The following SENP7 variants were observed in gnomAD, a reference collection of about 807,000 sequenced individuals.
SENP7 encodes the protein SUMO specific peptidase 7, also known as sentrin-specific protease 7.
A neutral mutation model predicts 141.2 loss-of-function variants in SENP7; 64 were observed. The ratio of observed to expected loss-of-function variants is 0.45; its 90% confidence interval spans 0.37 to 0.56. The LOEUF (loss-of-function observed/expected upper bound fraction) is 0.56, where lower values mean the gene tolerates loss of function less well. Among genes scored for constraint, SENP7 ranks in the 20% least tolerant of loss-of-function variants. The pLI is 0.00. For missense variants in SENP7, 1,025 were observed against 1,212.2 expected (o/e 0.85, Z 2.29); for synonymous variants, 382 against 426.4 (o/e 0.90, Z 1.28).
chr3:101,325,479 A>T lies in SENP7; in HGVS notation c.*464T>A, dbSNP rs1196446528. On this transcript the variant is annotated 3_prime_UTR_variant, in exon 24 of 24. Transcript: ENST00000394095. ...TAAATTATTTTTTTAAAAAATACAC[A>T]GTATTCATACTGCATGCTTGAGCTG... 6.6e-6 allele frequency: 1 copy of T among 152,568 alleles called. No individual in the cohort carries two copies. Among genetic ancestry groups the T allele is most frequent in the African/African-American group, 2.4e-5 (1 of 41,446 alleles). 9.5% of individuals were successfully genotyped at this position (152,568 alleles called of 1,614,324 possible).
chr3:101,400,665 A>ATC (rs534625544), intron 5 of SENP7, among the ~76,000 whole-genome samples: 4 of 150,502 alleles, frequency 2.7e-5, no homozygotes, highest in African/African-American at 4.9e-5. Flanking sequence ...CCATTCCCCT[A>ATC]TCTCTCTCTC....
intron 11 of SENP7, among the ~76,000 whole-genome samples, chr3:101,359,773 C>A (rs2059844813): frequency 6.6e-6 from 1 of 151,984 alleles, no homozygotes; most frequent in Non-Finnish European, 1.5e-5. Context: ...ACGATATATA[C>A]TATACAGTGA....
At chr3:101,457,678 C>A in intron 4 of SENP7, 1 of 1,357,276 alleles carries the variant, frequency 7.4e-7, no homozygotes, top group Non-Finnish European at 1.0e-6. Context: ...CCAATGCACA[C>A]TTGTGCCTGC....
intron 19 of SENP7, 57 bp downstream of exon 19, chr3:101,331,928 T>C (rs1363257067): frequency 2.8e-5 from 44 of 1,560,904 alleles, no homozygotes; most frequent in Non-Finnish European, 3.8e-5. Flanking sequence ...TTCTTCCCTG[T>C]AACCATTAAA....
intron 5 of SENP7, among the ~76,000 whole-genome samples, chr3:101,404,876 G>GAAA (rs2061253084): frequency 6.6e-6 from 1 of 152,020 alleles, no homozygotes; most frequent in African/African-American, 2.4e-5. Context: ...ACAATGAGAC[G>GAAA]CACAGTGAGA....
At chr3:101,478,346 C>T (rs72944107) in intron 3 of SENP7, among the ~76,000 whole-genome samples, 31,958 of 151,886 alleles carry the variant, frequency 0.21, 3,564 homozygotes, top group Non-Finnish European at 0.24. Flanking sequence ...AGCAAGACCC[C>T]ACCTCTACCA....
At position 101,449,701 on chromosome 3, in the gene SENP7, C is replaced by A. The variant is rs1576387932; in HGVS notation, c.284+9254G>T. On this transcript the variant is annotated intron_variant, in intron 4 of 23. Transcript: ENST00000394095. ...TTTTGTCACCACCAGGCCTGCCCTA[C>A]AACAGCTCCTGATGGAAGCACTAAA... Among the ~76,000 whole-genome samples the A allele has an allele frequency of 5.3e-5, 8 of 152,256 alleles. No homozygotes were observed. The East Asian group carries it at 1.5e-3, about 29-fold the overall frequency.
chr3:101,448,145 G>A (rs1231416652), intron 4 of SENP7, among the ~76,000 whole-genome samples: 2 of 152,166 alleles, frequency 1.3e-5, no homozygotes, highest in East Asian at 3.8e-4. Context: ...AAAACTCTTA[G>A]AAGAAAACAC....
intron 3 of SENP7, among the ~76,000 whole-genome samples, chr3:101,470,769 A>C (rs1161131225): frequency 1.3e-5 from 2 of 152,214 alleles, no homozygotes; most frequent in African/African-American, 4.8e-5. Context: ...CTCAGCCCAA[A>C]ATCTCCTTAA....
At chr3:101,426,801 C>G (rs1270060142) in intron 4 of SENP7, among the ~76,000 whole-genome samples, 2 of 152,090 alleles carry the variant, frequency 1.3e-5, no homozygotes, top group African/African-American at 2.4e-5. Flanking sequence ...TCTTTTCAGA[C>G]AAGCAAATGC....
At chr3:101,384,085 C>T (rs888548853) in intron 6 of SENP7, among the ~76,000 whole-genome samples, 2 of 152,376 alleles carry the variant, frequency 1.3e-5, no homozygotes, top group Admixed American at 6.5e-5. Context: ...AAGCTACCCA[C>T]TGTGGGTCCC....
chr3:101,432,013 C>T (rs556083706), intron 4 of SENP7, among the ~76,000 whole-genome samples: 4 of 152,154 alleles, frequency 2.6e-5, no homozygotes, highest in Non-Finnish European at 4.4e-5. Flanking sequence ...AGGACGTGAC[C>T]CTATGATGGC....
intron 9 of SENP7, among the ~76,000 whole-genome samples, chr3:101,365,634 CAAAAAA>C (rs1010380283): frequency 4.8e-5 from 3 of 62,134 alleles, no homozygotes; most frequent in Admixed American, 1.8e-4. Context: ...GACTCTGTCT[CAAAAAA>C]AAAAAAAAAA....
chr3:101,477,545 C>T (rs1458417571), intron 3 of SENP7, among the ~76,000 whole-genome samples: 4 of 151,886 alleles, frequency 2.6e-5, no homozygotes, highest in Admixed American at 2.6e-4. Context: ...AAAGTCAGAA[C>T]AAGCCAAAAC....
At chr3:101,379,411 A>T (rs2060431437) in intron 6 of SENP7, among the ~76,000 whole-genome samples, 1 of 152,212 alleles carries the variant, frequency 6.6e-6, no homozygotes, top group Admixed American at 6.5e-5. Context: ...GGCAACCCAC[A>T]GAATGAGACG....
chr3:101,342,172 C>T (rs1038001215), intron 14 of SENP7, among the ~76,000 whole-genome samples: 3 of 150,914 alleles, frequency 2.0e-5, no homozygotes, highest in African/African-American at 7.4e-5. Flanking sequence ...AAAATATTGA[C>T]AACATTATAC....
chr3:101,427,676 A>G (rs2062011233), intron 4 of SENP7, among the ~76,000 whole-genome samples: 1 of 151,972 alleles, frequency 6.6e-6, no homozygotes, highest in East Asian at 1.9e-4. Flanking sequence ...TCTTTTGAAG[A>G]AAAGAATATC....
At chr3:101,349,954 T>C (rs567964541) in intron 12 of SENP7, among the ~76,000 whole-genome samples, 2 of 152,270 alleles carry the variant, frequency 1.3e-5, no homozygotes, top group East Asian at 3.9e-4. Flanking sequence ...GTGTGTGGGC[T>C]TGACTAGCTA....
chr3:101,406,765 G>T (rs1174836034), intron 5 of SENP7, among the ~76,000 whole-genome samples: 2 of 152,118 alleles, frequency 1.3e-5, no homozygotes, highest in South Asian at 2.1e-4. Flanking sequence ...TAGTCACATT[G>T]TCATCAGGTT....
Sources: allele counts gnomAD v4.1 joint callset (sites outside exome capture counted in the v4.1 genomes callset), GRCh38; gene constraint gnomAD v4.1.1; transcripts MANE v1.5; gene names NCBI Gene and HGNC (gene_info 2026-07-23, HGNC 2026-07-21).